FSTL5: variants seen among roughly 807,000 people sequenced by gnomAD.
FSTL5 encodes follistatin-related protein 5.
FSTL5 carries 62 observed loss-of-function variants against 89.1 expected under a neutral mutation model. The ratio of observed to expected loss-of-function variants is 0.70; its 90% confidence interval spans 0.57 to 0.86. The LOEUF (loss-of-function observed/expected upper bound fraction) is 0.86, where lower values mean the gene tolerates loss of function less well. Ranked by LOEUF, FSTL5 falls within the 40% of genes least tolerant of loss-of-function variation. FSTL5 has a pLI of 0.00. For synonymous variants in FSTL5, 383 were observed against 346.2 expected (o/e 1.11, Z -1.18); for missense variants, 1,057 against 1,001.6 (o/e 1.06, Z -0.75).
chr4:161,714,622 G>A (rs1738913896), intron 6 of FSTL5, among the ~76,000 whole-genome samples: 1 of 152,122 alleles, frequency 6.6e-6, no homozygotes, highest in Admixed American at 6.6e-5. Flanking sequence ...ACTGTCATCT[G>A]CTTAGATTTA....
chr4:161,639,815 G>A (rs1055615858), intron 7 of FSTL5, among the ~76,000 whole-genome samples: 1 of 152,272 alleles, frequency 6.6e-6, no homozygotes, highest in East Asian at 1.9e-4. Context: ...TTGGGGATTT[G>A]TACTCTGAAT....
chr4:161,926,564 G>T (rs1004748413), intron 3 of FSTL5, among the ~76,000 whole-genome samples: 1 of 151,628 alleles, frequency 6.6e-6, no homozygotes, highest in Non-Finnish European at 1.5e-5. Flanking sequence ...ATTTCAAGAA[G>T]TTAAGTGATT....
intron 5 of FSTL5, among the ~76,000 whole-genome samples, chr4:161,764,438 T>C (rs1256574337): frequency 6.6e-6 from 1 of 152,108 alleles, no homozygotes; most frequent in Non-Finnish European, 1.5e-5. Flanking sequence ...TTTGTGTTTT[T>C]AGTAGAGACG....
intron 4 of FSTL5, among the ~76,000 whole-genome samples, chr4:161,872,148 T>TTG (rs200625361): frequency 0.04 from 5,403 of 135,788 alleles, 317 homozygotes; most frequent in East Asian, 0.15. Flanking sequence ...TTGGTTTTTT[T>TTG]TTTTTTTTTT....
intron 7 of FSTL5, among the ~76,000 whole-genome samples, chr4:161,648,132 C>T (rs138223281): frequency 0.013 from 1,996 of 152,304 alleles, 17 homozygotes; most frequent in Non-Finnish European, 0.02. Context: ...TGATCCGATT[C>T]TTCCGGTACA....
intron 2 of FSTL5, among the ~76,000 whole-genome samples, chr4:162,081,304 C>G (rs1363840623): frequency 6.6e-6 from 1 of 151,450 alleles, no homozygotes; most frequent in Non-Finnish European, 1.5e-5. Context: ...CACAGTGAAA[C>G]TAGGCGTTCA....
intron 2 of FSTL5, among the ~76,000 whole-genome samples, chr4:162,097,059 A>G (rs1355778960): frequency 6.6e-6 from 1 of 151,944 alleles, no homozygotes; most frequent in East Asian, 1.9e-4. Context: ...CAACAGTTAT[A>G]TCTTTTTTTA....
At chr4:161,446,136 C>T (rs1172609565) in intron 15 of FSTL5, among the ~76,000 whole-genome samples, 3 of 151,892 alleles carry the variant, frequency 2.0e-5, no homozygotes, top group African/African-American at 7.2e-5. Flanking sequence ...TTTTTACAGC[C>T]TCTGATCATT....
chr4:161,521,884 G>A (rs112889454), intron 10 of FSTL5, among the ~76,000 whole-genome samples: 39,183 of 145,768 alleles, frequency 0.27, 6,480 homozygotes, highest in Non-Finnish European at 0.38. Context: ...AGAAAAAAAG[G>A]TTATGAATTT....
At chr4:161,403,377 A>G (rs1029469813) in intron 15 of FSTL5, among the ~76,000 whole-genome samples, 1 of 152,156 alleles carries the variant, frequency 6.6e-6, no homozygotes, top group African/African-American at 2.4e-5. Context: ...AAAGTCTGAA[A>G]AGGCTTTTAA....
chr4:161,462,015 T>C (rs1287914256), intron 13 of FSTL5, among the ~76,000 whole-genome samples: 1 of 152,212 alleles, frequency 6.6e-6, no homozygotes, highest in Non-Finnish European at 1.5e-5. Flanking sequence ...GGGAACAATT[T>C]GAATGAAAAT....
intron 8 of FSTL5, among the ~76,000 whole-genome samples, chr4:161,582,620 G>A (rs2126601407): frequency 6.6e-6 from 1 of 152,280 alleles, no homozygotes; most frequent in South Asian, 2.1e-4. Context: ...CTGTGGTTTT[G>A]TAACTTACCC....
intron 7 of FSTL5, among the ~76,000 whole-genome samples, chr4:161,648,406 G>A (rs1223705450): frequency 6.6e-6 from 1 of 152,094 alleles, no homozygotes; most frequent in Non-Finnish European, 1.5e-5. Flanking sequence ...GTGAGCCACA[G>A]CCCCATCGCA....
At chr4:161,552,742 C>A (rs1221287910) in intron 8 of FSTL5, among the ~76,000 whole-genome samples, 1 of 151,716 alleles carries the variant, frequency 6.6e-6, no homozygotes, top group African/African-American at 2.4e-5. Flanking sequence ...TGTCTCTTAA[C>A]TCACATAGAA....
At chr4:161,968,074 T>C (rs1735377164) in intron 3 of FSTL5, among the ~76,000 whole-genome samples, 1 of 152,056 alleles carries the variant, frequency 6.6e-6, no homozygotes, top group South Asian at 2.1e-4. Context: ...AGCTTTGGTG[T>C]ATTTCTGACT....
At chr4:161,887,418 T>C (rs1469449288) in intron 4 of FSTL5, among the ~76,000 whole-genome samples, 1 of 39,796 alleles carries the variant, frequency 2.5e-5, no homozygotes, top group Non-Finnish European at 6.0e-5. Context: ...TATCTATCTA[T>C]CTATCTATCA....
intron 4 of FSTL5, among the ~76,000 whole-genome samples, chr4:161,842,781 G>A (rs1214970088): frequency 6.6e-6 from 1 of 151,970 alleles, no homozygotes; most frequent in Non-Finnish European, 1.5e-5. Context: ...TTTCTCTGAA[G>A]TTCAAGTATT....
chr4:161,624,346 C>T lies in FSTL5; in HGVS notation c.894+31982G>A, dbSNP rs1331987759. On this transcript the variant is annotated intron_variant, in intron 7 of 15. Transcript: ENST00000306100. The stretch of plus-strand genomic sequence containing the variant: ...TTTGACATTTTAATTTGTCCCTTTA[C>T]GTATGTATCCATAGATAATAATTTA... 4.6e-5 allele frequency among the ~76,000 whole-genome samples: 7 copies of T among 151,848 alleles called. No individual in the cohort carries two copies. In the South Asian group the frequency reaches 8.3e-4, roughly 18 times the overall value.
chr4:161,925,935 C>A (rs1436139055), intron 3 of FSTL5, among the ~76,000 whole-genome samples: 1 of 151,652 alleles, frequency 6.6e-6, no homozygotes, highest in Non-Finnish European at 1.5e-5. Context: ...AGGAAAAATT[C>A]AAAATTACAT....
Sources: allele counts gnomAD v4.1 joint callset (sites outside exome capture counted in the v4.1 genomes callset), GRCh38; gene constraint gnomAD v4.1.1; transcripts MANE v1.5; gene names NCBI Gene and HGNC (gene_info 2026-07-23, HGNC 2026-07-21).